IQCM: variants seen among roughly 807,000 people sequenced by gnomAD.
IQCM encodes IQ domain-containing protein M.
Under a neutral mutation model 57.6 loss-of-function variants are expected in IQCM, and 45 were observed. The ratio of observed to expected loss-of-function variants is 0.78; its 90% CI spans 0.62 to 1.00. The LOEUF is 1.00. Among genes scored for constraint, IQCM ranks in the 50% least tolerant of loss-of-function variants. The pLI, the probability that IQCM is intolerant of heterozygous loss-of-function variation, is 0.00. For synonymous variants in IQCM, 148 were observed against 158.9 expected, an observed-to-expected ratio of 0.93 and a Z score of 0.51; for missense variants, 468 against 511.6, an observed-to-expected ratio of 0.91 and a Z score of 0.82.
chr4:149,800,474 A>T (rs1365733739), intron 2 of IQCM, among the ~76,000 whole-genome samples: 1 of 152,016 alleles, frequency 6.6e-6, no homozygotes, highest in Non-Finnish European at 1.5e-5. Flanking sequence ...TATTCAGCTT[A>T]GTACTGGAAG....
chr4:149,668,251 G>A (rs1487260309), intron 7 of IQCM, among the ~76,000 whole-genome samples: 6 of 152,202 alleles, frequency 3.9e-5, no homozygotes, highest in Non-Finnish European at 7.3e-5. Flanking sequence ...CTACGAGCCA[G>A]AAGAGAGTGG....
chr4:149,633,167 C>CAAA (rs71596216), intron 7 of IQCM, among the ~76,000 whole-genome samples: 477 of 22,850 alleles, frequency 0.021, 38 homozygotes, highest in East Asian at 0.05. Context: ...GACTCCGTCT[C>CAAA]AAAAAAAAAA....
At chr4:149,510,197 T>A (rs936837659) in intron 12 of IQCM, among the ~76,000 whole-genome samples, 3 of 152,162 alleles carry the variant, frequency 2.0e-5, no homozygotes, top group African/African-American at 4.8e-5. Context: ...AAAGCGATTA[T>A]CTCATTGTTT....
At position 149,433,570 on chromosome 4, in the gene IQCM, G is replaced by T. The variant is rs1735067636; in HGVS notation, c.1229-13C>A. On this transcript the variant is annotated splice_polypyrimidine_tract_variant and intron_variant, in intron 12 of 13. Coordinates refer to ENST00000636793, the MANE Select transcript of IQCM (RefSeq NM_001363507.2). ...TTTTCTTTGCCATCTATAAAGAAAAGATAAAATATATAAAATTTTAGACAT... is the reference window on the plus strand; with the variant it reads ...TTTTCTTTGCCATCTATAAAGAAAATATAAAATATATAAAATTTTAGACAT... 1 of 1,029,906 alleles carries T rather than the reference G, an allele frequency of 9.7e-7. No individual in the cohort carries two copies. Among genetic ancestry groups the T allele is most frequent in the East Asian group, 3.3e-5 (1 of 30,528 alleles). The allele number at this position is 1,029,906 out of a possible 1,614,324, so 63.8% of individuals were successfully genotyped here.
rs535698594 is a variant in IQCM at position 149,774,605 on chromosome 4, A to G, written c.-48-31866T>C. On this transcript the variant is annotated intron_variant, in intron 2 of 13. Transcript: ENST00000636793. ...CCCCTGAGCCCTATGCAAATCAGAC[A>G]TGGCCTCCTCCAGCCTCTGCATATA... Among the ~76,000 whole-genome samples the G allele has an allele frequency of 2.2e-3, 329 of 152,102 alleles. 4 individuals are homozygous for G. The highest frequency in any genetic ancestry group is 7.3e-3 in the African/African-American group (304 of 41,500).
At chr4:149,641,622 A>G (rs1168742687) in intron 7 of IQCM, among the ~76,000 whole-genome samples, 1 of 152,138 alleles carries the variant, frequency 6.6e-6, no homozygotes, top group Non-Finnish European at 1.5e-5. Context: ...TGTTTTTTCA[A>G]TATATTTCCC....
chr4:149,480,423 C>T (rs892514781), intron 12 of IQCM, among the ~76,000 whole-genome samples: 17 of 152,126 alleles, frequency 1.1e-4, no homozygotes, highest in Non-Finnish European at 2.1e-4. Context: ...CATTACCCTA[C>T]CTAGCCTCTA....
At chr4:149,697,371 T>A (rs1472707) in intron 5 of IQCM, among the ~76,000 whole-genome samples, 76,082 of 151,844 alleles carry the variant, frequency 0.5, 19,374 homozygotes, top group South Asian at 0.59. Flanking sequence ...TGTTGTGCAC[T>A]TGTACCCTAG....
At chr4:149,411,622 T>C (rs916231532) in intron 13 of IQCM, among the ~76,000 whole-genome samples, 3 of 152,144 alleles carry the variant, frequency 2.0e-5, no homozygotes, top group African/African-American at 7.2e-5. Context: ...ATTTCCAAGA[T>C]GTTTTTCACT....
chr4:149,458,856 C>T (rs1269213026), intron 12 of IQCM, among the ~76,000 whole-genome samples: 1 of 152,072 alleles, frequency 6.6e-6, no homozygotes, highest in East Asian at 1.9e-4. Context: ...CTGTAAAATA[C>T]TAGGTTTCAG....
chr4:149,547,664 CT>C (rs1179145480), intron 12 of IQCM, among the ~76,000 whole-genome samples: 2 of 152,288 alleles, frequency 1.3e-5, no homozygotes, highest in East Asian at 3.9e-4. Context: ...CACACTCACA[CT>C]TACATACACA....
chr4:149,586,765 A>G lies in IQCM; in HGVS notation c.749+1165T>C, dbSNP rs1294847693. Among the ~76,000 whole-genome samples, 3 of 151,726 alleles carry G rather than the reference A, an allele frequency of 2.0e-5. No individual in the cohort carries two copies. In the East Asian group the frequency reaches 5.8e-4, roughly 29 times the overall value. On this transcript the variant is annotated intron_variant, in intron 9 of 13. Coordinates refer to ENST00000636793, the MANE Select transcript of IQCM (RefSeq NM_001363507.2). Reference sequence around the variant, plus strand: ...GAATTTTCATTTGATTCTTTTGTATAGCTTTTATTTCTGCACTGGGGATCT... The same window carrying G: ...GAATTTTCATTTGATTCTTTTGTATGGCTTTTATTTCTGCACTGGGGATCT...
chr4:149,515,032 G>A (rs1579324337), intron 12 of IQCM, among the ~76,000 whole-genome samples: 1 of 151,176 alleles, frequency 6.6e-6, no homozygotes, highest in East Asian at 2.0e-4. Context: ...TTGTGATTGT[G>A]TGAGTTAATA....
At chr4:149,701,681 A>G (rs998774389) in intron 5 of IQCM, among the ~76,000 whole-genome samples, 2 of 151,922 alleles carry the variant, frequency 1.3e-5, no homozygotes, top group East Asian at 3.9e-4. Context: ...GTTATTTGCT[A>G]TATGTGGGTG....
intron 2 of IQCM, among the ~76,000 whole-genome samples, chr4:149,813,316 A>G (rs759241982): frequency 1.3e-5 from 2 of 152,112 alleles, no homozygotes; most frequent in Admixed American, 6.6e-5. Context: ...AATATAAAAT[A>G]TTGAACAAAT....
intron 12 of IQCM, among the ~76,000 whole-genome samples, chr4:149,519,713 T>C (rs1424302460): frequency 6.7e-6 from 1 of 149,514 alleles, no homozygotes; most frequent in Non-Finnish European, 1.5e-5. Context: ...TAAAACAGTA[T>C]CCTGTTTTGG....
intron 12 of IQCM, among the ~76,000 whole-genome samples, chr4:149,539,574 T>C (rs1285293952): frequency 1.3e-5 from 2 of 152,058 alleles, no homozygotes; most frequent in Non-Finnish European, 2.9e-5. Flanking sequence ...TGTTAAAAAA[T>C]AAAAAGAGAA....
intron 7 of IQCM, among the ~76,000 whole-genome samples, chr4:149,681,355 T>C (rs1336299732): frequency 1.3e-5 from 2 of 151,252 alleles, no homozygotes; most frequent in African/African-American, 4.8e-5. Flanking sequence ...GTAAAATACA[T>C]CTATTGCATA....
chr4:149,712,327 ACTGTC>A (rs1764627994), intron 5 of IQCM, among the ~76,000 whole-genome samples: 1 of 151,512 alleles, frequency 6.6e-6, no homozygotes, highest in South Asian at 2.1e-4. Flanking sequence ...CTGTGCAGAT[ACTGTC>A]ATACTGTCAA....
Sources: gnomAD v4.1 joint callset for allele counts (sites outside exome capture counted in the v4.1 genomes callset) on GRCh38, gnomAD v4.1.1 for gene constraint, MANE v1.5 for transcripts, NCBI Gene and HGNC (gene_info 2026-07-23, HGNC 2026-07-21) for gene names.